Variants in DHX34 observed in about 807,000 individuals in gnomAD.
DHX34 encodes DExH-box helicase 34.
DHX34 carries 96 observed loss-of-function variants against 111.1 expected under a neutral mutation model. The observed-to-expected ratio is 0.86, with a 90% CI of 0.73 to 1.02. The LOEUF (loss-of-function observed/expected upper bound fraction) is 1.02, where lower values mean the gene tolerates loss of function less well. Among genes scored for constraint, DHX34 ranks in the 50% least tolerant of loss-of-function variants. The probability of loss-of-function intolerance (pLI) is 0.00; values close to 1 mark genes in which losing one functional copy is unlikely to be tolerated. For missense variants in DHX34, 1,560 were observed against 1,579.9 expected (o/e 0.99, Z 0.21); for synonymous variants, 688 against 670.4 (o/e 1.03, Z -0.41).
chr19:47,361,852 G>T (rs1351246252), intron 5 of DHX34, among the ~76,000 whole-genome samples: 3 of 152,228 alleles, frequency 2.0e-5, no homozygotes, highest in African/African-American at 7.2e-5. Flanking sequence ...AGTCCTGTGA[G>T]ACTAGGACCT....
rs779349399 is a variant in DHX34 at position 47,372,894 on chromosome 19, CTCTTCAACG to C, written c.1943_1951del (p.Val648_Asn650del). On this transcript the variant is annotated inframe_deletion, in exon 8 of 17. Coordinates refer to ENST00000328771, the MANE Select transcript of DHX34 (RefSeq NM_014681.6). ...GAGCGACCAGGGTGACCCCTTCACG[CTCTTCAACG>C]TCTTCAACGCCTGGGTGCAGGTGAG... 19 of 1,606,312 alleles carry C rather than the reference CTCTTCAACG, an allele frequency of 1.2e-5. No individual in the cohort carries two copies. The highest frequency in any genetic ancestry group is 4.5e-5 in the East Asian group (2 of 44,870).
intron 11 of DHX34, 130 bp from the exon 12 acceptor site, chr19:47,376,313 G>T (rs1248875871): frequency 6.6e-7 from 1 of 1,521,688 alleles, no homozygotes; most frequent in African/African-American, 1.4e-5. Context: ...GGGGGCATCT[G>T]CCCCAGATTT....
At chr19:47,368,612 ATGTGTGTGTGTG>A (rs374912105) in intron 7 of DHX34, among the ~76,000 whole-genome samples, 162 of 141,652 alleles carry the variant, frequency 1.1e-3, no homozygotes, top group African/African-American at 4.4e-3. Context: ...GGTCCATTGA[ATGTGTGTGTGTG>A]TGTGTGTATA....
At chr19:47,374,839 T>G (rs1171009860) in intron 9 of DHX34, among the ~76,000 whole-genome samples, 1 of 152,108 alleles carries the variant, frequency 6.6e-6, no homozygotes, top group Admixed American at 6.6e-5. Context: ...CATGCACACA[T>G]ACAGACACAC....
At chr19:47,374,936 T>A (rs866651313) in intron 9 of DHX34, among the ~76,000 whole-genome samples, 31 of 152,268 alleles carry the variant, frequency 2.0e-4, no homozygotes, top group African/African-American at 7.2e-4. Context: ...TTGAGGAATG[T>A]TGACAAGATG....
Position 47,373,319 on chromosome 19 carries a change from G to T in DHX34, c.1963-280G>T, listed in dbSNP as rs548020178. Among the ~76,000 whole-genome samples, 3 of 152,328 alleles carry T rather than the reference G, an allele frequency of 2.0e-5. No individual in the cohort carries two copies. The South Asian group carries it at 6.2e-4, about 32-fold the overall frequency. ...TGGCCCTGCCCTCCCGGGGTTCACA[G>T]CCCAGTGCAGGGAGACAGACCACTG... On this transcript the variant is annotated intron_variant, in intron 8 of 16. Transcript: ENST00000328771.
At chr19:47,378,190 T>C (rs557258375) in intron 13 of DHX34, among the ~76,000 whole-genome samples, 20 of 152,276 alleles carry the variant, frequency 1.3e-4, no homozygotes, top group South Asian at 2.1e-4. Flanking sequence ...CCTCAGGGTT[T>C]TGTTGACACT....
intron 7 of DHX34, among the ~76,000 whole-genome samples, chr19:47,368,230 G>A (rs1409244671): frequency 6.7e-6 from 1 of 150,164 alleles, no homozygotes; most frequent in Non-Finnish European, 1.5e-5. Flanking sequence ...GCCCCGTGTG[G>A]CTGCAGTGGA....
intron 5 of DHX34, among the ~76,000 whole-genome samples, chr19:47,360,873 T>C (rs1405821994): frequency 1.3e-5 from 2 of 152,046 alleles, no homozygotes; most frequent in Admixed American, 6.6e-5. Flanking sequence ...GGTTTCACCA[T>C]GTTGGCCAGG....
chr19:47,379,895 G>A lies in DHX34; in HGVS notation c.2892G>A (p.Gln964=). The part of the protein sequence containing the change: ...LDRQLAHQAQ[Q]QLEEEEEDTP... The stretch of plus-strand genomic sequence containing the variant: ...GGCAGCTGGCGCACCAGGCCCAGCA[G>A]CAGCTGGAGGAGGAGGAGGAGGATA... Residue 964 remains glutamine (Q), a synonymous_variant, in exon 14 of 17, where the codon CAG becomes CAA. Coordinates refer to ENST00000328771, the MANE Select transcript of DHX34 (RefSeq NM_014681.6). 6.2e-7 allele frequency: 1 copy of A among 1,613,298 alleles called. No homozygotes were observed. The highest frequency in any genetic ancestry group is 8.5e-7 in the Non-Finnish European group (1 of 1,179,528).
intron 13 of DHX34, chr19:47,379,506 C>G: frequency 1.1e-6 from 1 of 875,062 alleles, no homozygotes; most frequent in Non-Finnish European, 1.4e-6. Context: ...CCCCAGCCCC[C>G]TTCCCTGACT....
chr19:47,377,108 G>C lies in DHX34; in HGVS notation c.2608G>C (p.Asp870His). The C allele has an allele frequency of 6.2e-7, 1 of 1,614,044 alleles. No individual in the cohort carries two copies. The highest frequency in any genetic ancestry group is 1.1e-5 in the South Asian group (1 of 91,088). Residue 870 changes from aspartate to histidine, a missense_variant, in exon 13 of 17, where the codon GAC becomes CAC. Coordinates refer to ENST00000328771, the MANE Select transcript of DHX34 (RefSeq NM_014681.6). ...CCTCCTCAACCTTTCAGACGACAAG[G>C]ACAAGATGAGCAGCAAACACCAGCT... ...SNCDGSRDDK[D>H]KMSSKHQLLS...
At chr19:47,372,970 C>T in intron 8 of DHX34, 47 bp downstream of exon 8, 1 of 1,529,058 alleles carries the variant, frequency 6.5e-7, no homozygotes, top group East Asian at 2.3e-5. Flanking sequence ...TGCTCAGGGC[C>T]AAGGCCTTCT....
chr19:47,367,931 T>C (rs1031002710), intron 7 of DHX34, among the ~76,000 whole-genome samples: 4 of 145,154 alleles, frequency 2.8e-5, no homozygotes, highest in African/African-American at 7.7e-5. Flanking sequence ...AACAAACAGG[T>C]GAGATTCATT....
chr19:47,350,418 GA>G (rs960386426), intron 1 of DHX34, among the ~76,000 whole-genome samples: 7 of 149,664 alleles, frequency 4.7e-5, no homozygotes, highest in African/African-American at 1.7e-4. Context: ...AAACAAAAAT[GA>G]ATTTTTTTTT....
intron 6 of DHX34, among the ~76,000 whole-genome samples, chr19:47,363,232 G>T (rs1969688738): frequency 6.6e-6 from 1 of 151,978 alleles, no homozygotes; most frequent in African/African-American, 2.4e-5. Flanking sequence ...GGGATTACAG[G>T]CATGAGCCAC....
At chr19:47,368,630 G>GTGTA (rs1555732811) in intron 7 of DHX34, among the ~76,000 whole-genome samples, 3 of 129,566 alleles carry the variant, frequency 2.3e-5, no homozygotes, top group East Asian at 2.1e-4. Flanking sequence ...GTGTGTGTGT[G>GTGTA]TATATATATA....
intron 8 of DHX34, among the ~76,000 whole-genome samples, chr19:47,373,185 C>G (rs1970025084): frequency 6.6e-6 from 1 of 152,212 alleles, no homozygotes; most frequent in Non-Finnish European, 1.5e-5. Flanking sequence ...TGGAGAAAGT[C>G]CAGGCTCCTT....
At position 47,367,030 on chromosome 19, in the gene DHX34, C is replaced by T. The variant is rs760930203; in HGVS notation, c.1643C>T (p.Pro548Leu). 9.4e-6 allele frequency: 15 copies of T among 1,599,200 alleles called. No homozygotes were observed. The highest frequency in any genetic ancestry group is 1.3e-5 in the Non-Finnish European group (15 of 1,172,528). ...GDPRTFPFIE[P>L]PPPASLETAI... Reference sequence around the variant, plus strand: ...CCCCGAACCTTCCCCTTCATCGAGCCCCCACCACCAGCCAGCCTGGAAACC... The same window carrying T: ...CCCCGAACCTTCCCCTTCATCGAGCTCCCACCACCAGCCAGCCTGGAAACC... The change falls in exon 7 of 17, where the codon CCC (proline) becomes CTC (leucine). Residue 548 changes from proline to leucine, a missense_variant. Physicochemically the swap from Pro to Leu is moderately conservative, Grantham distance 98. Coordinates refer to ENST00000328771, the MANE Select transcript of DHX34 (RefSeq NM_014681.6).
Sources: allele counts gnomAD v4.1 joint callset (sites outside exome capture counted in the v4.1 genomes callset), GRCh38; gene constraint gnomAD v4.1.1; transcripts MANE v1.5; gene names NCBI Gene and HGNC (gene_info 2026-07-23, HGNC 2026-07-21).